CNTNAP2: variants seen among roughly 807,000 people sequenced by gnomAD.
CNTNAP2 encodes the protein contactin-associated protein-like 2.
A neutral mutation model predicts 155.2 loss-of-function variants in CNTNAP2; 98 were observed. That is an observed-to-expected ratio of 0.63 (90% CI 0.54 to 0.75). CNTNAP2 has a LOEUF of 0.75. Ranked by LOEUF, CNTNAP2 falls within the 30% of genes least tolerant of loss-of-function variation. The pLI is 0.00. For missense variants in CNTNAP2, 1,727 were observed against 1,688.1 expected (o/e 1.02, Z -0.40); for synonymous variants, 651 against 631.2 (o/e 1.03, Z -0.47).
intron 19 of CNTNAP2, among the ~76,000 whole-genome samples, chr7:148,221,154 T>G (rs1416555299): frequency 6.6e-6 from 1 of 152,184 alleles, no homozygotes; most frequent in African/African-American, 2.4e-5. Flanking sequence ...GGACTTTCAT[T>G]GTCTTCAAGG....
Position 147,085,996 on chromosome 7 carries a change from T to C in CNTNAP2, c.551-22151T>C, listed in dbSNP as rs10263505. On this transcript the variant is annotated intron_variant, in intron 4 of 23. Transcript: ENST00000361727. ...TTTTTCTTTAAACCTTGGAGCCTCA[T>C]TGAAGCACAACTTGAAATGGTAGAA... Among the ~76,000 whole-genome samples, 833 of 152,108 alleles carry C rather than the reference T, an allele frequency of 5.5e-3. 11 individuals are homozygous for C. The highest frequency in any genetic ancestry group is 0.019 in the African/African-American group (783 of 41,492).
At chr7:146,984,502 T>A (rs10808041) in intron 3 of CNTNAP2, among the ~76,000 whole-genome samples, 141,633 of 151,722 alleles carry the variant, frequency 0.93, 66,190 homozygotes, top group East Asian at 1. Flanking sequence ...CCACTTTATA[T>A]TCTCCCTTGG....
intron 1 of CNTNAP2, among the ~76,000 whole-genome samples, chr7:146,299,075 C>T (rs1800561477): frequency 6.6e-6 from 1 of 151,596 alleles, no homozygotes; most frequent in African/African-American, 2.4e-5. Context: ...AGCTCGAGAC[C>T]AGCCTGGCCA....
chr7:147,832,588 T>C (rs1369976383), intron 13 of CNTNAP2, among the ~76,000 whole-genome samples: 3 of 146,042 alleles, frequency 2.1e-5, no homozygotes, highest in Non-Finnish European at 4.5e-5. Context: ...TATTGAAATA[T>C]ATATTTTTAC....
In CNTNAP2 at chr7:146,562,144, C is replaced by A. The variant is rs1320569952; in HGVS notation, c.98-212127C>A. Among the ~76,000 whole-genome samples the A allele has an allele frequency of 4.6e-5, 7 of 152,266 alleles. No individual in the cohort carries two copies. In the East Asian group the frequency reaches 1.4e-3, roughly 29 times the overall value. ...TTCTAAATCACCACTCTTATTTCCA[C>A]TGACCACTTAAACAGATGACTTGAA... is the stretch of plus-strand genomic sequence containing the variant. On this transcript the variant is annotated intron_variant, in intron 1 of 23. Coordinates refer to ENST00000361727, the MANE Select transcript of CNTNAP2 (RefSeq NM_014141.6).
chr7:146,738,229 A>T (rs961764277), intron 1 of CNTNAP2, among the ~76,000 whole-genome samples: 1 of 152,080 alleles, frequency 6.6e-6, no homozygotes, highest in African/African-American at 2.4e-5. Context: ...GTGATATCTC[A>T]TTGGGTTTTA....
At chr7:146,148,318 T>C (rs1005090942) in intron 1 of CNTNAP2, among the ~76,000 whole-genome samples, 2 of 152,214 alleles carry the variant, frequency 1.3e-5, no homozygotes, top group South Asian at 2.1e-4. Flanking sequence ...GAGCAAGTCG[T>C]CTAGCATCAT....
At chr7:146,238,681 CTGCTATGAAGAAA>C (rs1396068177) in intron 1 of CNTNAP2, among the ~76,000 whole-genome samples, 98 of 152,284 alleles carry the variant, frequency 6.4e-4, no homozygotes, top group Admixed American at 4.8e-3. Context: ...CAGTCTCACT[CTGCTATGAAGAAA>C]TACCTATGAC....
chr7:147,235,345 GGTGTGTGT>G (rs60072934), intron 8 of CNTNAP2, among the ~76,000 whole-genome samples: 11 of 140,970 alleles, frequency 7.8e-5, no homozygotes, highest in South Asian at 4.9e-4. Flanking sequence ...TGGAGTTTTT[GGTGTGTGT>G]GTGTGTGTGT....
intron 6 of CNTNAP2, chr7:147,121,863 A>G (rs1436897221): frequency 6.6e-6 from 1 of 152,268 alleles, no homozygotes; most frequent in Admixed American, 6.5e-5. Context: ...ACTGTTAATC[A>G]TATACGTAGG....
intron 13 of CNTNAP2, among the ~76,000 whole-genome samples, chr7:147,817,683 C>T (rs1182465139): frequency 6.6e-6 from 1 of 152,006 alleles, no homozygotes; most frequent in Non-Finnish European, 1.5e-5. Flanking sequence ...GTGGGCGGAT[C>T]ACAAGGTCAG....
intron 1 of CNTNAP2, among the ~76,000 whole-genome samples, chr7:146,273,621 C>G (rs1485683812): frequency 6.6e-6 from 1 of 152,080 alleles, no homozygotes; most frequent in Non-Finnish European, 1.5e-5. Context: ...CACTGGTAAG[C>G]TAAATTTTTG....
At chr7:147,623,464 G>T (rs2116896474) in intron 12 of CNTNAP2, among the ~76,000 whole-genome samples, 1 of 151,992 alleles carries the variant, frequency 6.6e-6, no homozygotes, top group East Asian at 1.9e-4. Flanking sequence ...TGCTAACAAT[G>T]AGCAATCTGA....
chr7:147,567,685 A>G (rs1800199946), intron 12 of CNTNAP2, among the ~76,000 whole-genome samples: 1 of 152,182 alleles, frequency 6.6e-6, no homozygotes. Context: ...AAAACTAGGA[A>G]AAGGGTAAGA....
intron 10 of CNTNAP2, among the ~76,000 whole-genome samples, chr7:147,429,343 A>G (rs748491702): frequency 2.0e-4 from 30 of 152,002 alleles, no homozygotes; most frequent in Non-Finnish European, 4.3e-4. Context: ...AGTGATATTG[A>G]GCAAGTTTTC....
intron 1 of CNTNAP2, among the ~76,000 whole-genome samples, chr7:146,244,022 G>A (rs1401499555): frequency 6.6e-6 from 1 of 152,044 alleles, no homozygotes; most frequent in Non-Finnish European, 1.5e-5. Context: ...GATATTGTGG[G>A]GTTGTTAGAA....
intron 18 of CNTNAP2, among the ~76,000 whole-genome samples, chr7:148,210,384 C>T (rs1795524719): frequency 6.6e-6 from 1 of 152,180 alleles, no homozygotes; most frequent in Non-Finnish European, 1.5e-5. Context: ...TACGTATTAA[C>T]ACAGTTTCAG....
chr7:147,839,467 C>A (rs1276542977), intron 13 of CNTNAP2, among the ~76,000 whole-genome samples: 1 of 152,098 alleles, frequency 6.6e-6, no homozygotes, highest in African/African-American at 2.4e-5. Context: ...GGAACATTTC[C>A]AGAGGCAGTC....
chr7:148,227,005 G>A (rs1159409301), intron 19 of CNTNAP2, among the ~76,000 whole-genome samples: 2 of 152,186 alleles, frequency 1.3e-5, no homozygotes, highest in Non-Finnish European at 2.9e-5. Context: ...CAAGTTTGCT[G>A]CAGACCCTTT....
Sources: allele counts gnomAD v4.1 joint callset (sites outside exome capture counted in the v4.1 genomes callset), GRCh38; gene constraint gnomAD v4.1.1; transcripts MANE v1.5; gene names NCBI Gene and HGNC (gene_info 2026-07-23, HGNC 2026-07-21).